CCDC148: variants seen among roughly 807,000 people sequenced by gnomAD.
CCDC148 encodes the protein coiled-coil domain-containing protein 148.
CCDC148 carries 89 observed loss-of-function variants against 85.7 expected under a neutral mutation model. The ratio of observed to expected loss-of-function variants is 1.04; its 90% confidence interval spans 0.87 to 1.24. The LOEUF is 1.24. Ranked by LOEUF, CCDC148 falls within the 50% of genes most tolerant of loss-of-function variation. The pLI, the probability that CCDC148 is intolerant of heterozygous loss-of-function variation, is 0.00. For missense variants in CCDC148, 692 were observed against 671.7 expected, an observed-to-expected ratio of 1.03 and a Z score of -0.33; for synonymous variants, 230 against 213.9, an observed-to-expected ratio of 1.08 and a Z score of -0.66.
intron 2 of CCDC148, among the ~76,000 whole-genome samples, chr2:158,352,963 A>G (rs978620052): frequency 6.7e-6 from 1 of 150,204 alleles, no homozygotes; most frequent in Non-Finnish European, 1.5e-5. Flanking sequence ...AGAATTTCAT[A>G]TCCAGCCAAA....
At chr2:158,209,057 A>T (rs1686412462) in intron 11 of CCDC148, among the ~76,000 whole-genome samples, 1 of 151,680 alleles carries the variant, frequency 6.6e-6, no homozygotes, top group Admixed American at 6.6e-5. Context: ...ATAAATAAAC[A>T]TAAATATATG....
rs1256294979 is a variant in CCDC148, at chr2:158,178,792, C to A, written c.1488+87G>T. The A allele has an allele frequency of 4.5e-6, 4 of 894,050 alleles. No individual in the cohort carries two copies. In the Admixed American group the frequency reaches 8.2e-5, roughly 18 times the overall value. The allele number at this position is 894,050 out of a possible 1,614,324, so 55.4% of individuals were successfully genotyped here. ...AATTTTATATAGCAGATGTCATGAA[C>A]TAAGCCCCAGTAAGAATGCTATTAA... On this transcript the variant is annotated intron_variant, in intron 12 of 13. Transcript: ENST00000283233.
intron 1 of CCDC148, among the ~76,000 whole-genome samples, chr2:158,407,258 A>C (rs1464619188): frequency 6.6e-6 from 1 of 152,156 alleles, no homozygotes; most frequent in Non-Finnish European, 1.5e-5. Flanking sequence ...ATATGCTGCC[A>C]GCTCTCTGAA....
chr2:158,340,730 A>G, intron 3 of CCDC148, 50 bp from the exon 4 acceptor site: 1 of 1,095,502 alleles, frequency 9.1e-7, no homozygotes, highest in South Asian at 1.5e-5. Context: ...ACATACATCT[A>G]GGTTTTTAAA....
intron 10 of CCDC148, among the ~76,000 whole-genome samples, 191 bp from the exon 11 acceptor site, chr2:158,220,904 C>A (rs75831518): frequency 0.081 from 12,320 of 152,178 alleles, 687 homozygotes; most frequent in Non-Finnish European, 0.13. Flanking sequence ...GGTAGATGCC[C>A]TGAGAAACTG....
chr2:158,278,329 C>T (rs906292751), intron 9 of CCDC148, among the ~76,000 whole-genome samples: 3 of 152,258 alleles, frequency 2.0e-5, no homozygotes, highest in South Asian at 2.1e-4. Context: ...GAGACATTGC[C>T]TCACTCGGGA....
chr2:158,293,361 A>T lies in CCDC148; in HGVS notation c.1110+16072T>A, dbSNP rs144247794. Among the ~76,000 whole-genome samples, 68 of 152,330 alleles carry T rather than the reference A, an allele frequency of 4.5e-4. 1 individual carries two copies. The highest frequency in any genetic ancestry group is 7.2e-4 in the Non-Finnish European group (49 of 68,032). Reference sequence around the variant, plus strand: ...TGCACACTAGGTTGCACCATATGATATTGCTGATATTATGCCATTCCTGAC... The same window carrying T: ...TGCACACTAGGTTGCACCATATGATTTTGCTGATATTATGCCATTCCTGAC... On this transcript the variant is annotated intron_variant, in intron 9 of 13. Transcript: ENST00000283233.
rs1573863470 is a variant in CCDC148, at chr2:158,456,263, A to ATT, written c.25+151_25+152insAA. ...AAAGGAAATCCTCTTTGAGTCTTTC[A>ATT]GAAGAGTTATGAGTTTGAGGACCCA... On this transcript the variant is annotated intron_variant, in intron 1 of 13. Coordinates refer to ENST00000283233, the MANE Select transcript of CCDC148 (RefSeq NM_138803.4). 3.8e-6 allele frequency: 3 copies of ATT among 781,374 alleles called. No homozygotes were observed. The East Asian group carries it at 8.0e-5, about 21-fold the overall frequency. The allele number at this position is 781,374 out of a possible 1,614,324, so 48.4% of individuals were successfully genotyped here.
At chr2:158,296,824 G>T (rs763985450) in intron 9 of CCDC148, among the ~76,000 whole-genome samples, 7 of 152,128 alleles carry the variant, frequency 4.6e-5, no homozygotes, top group Non-Finnish European at 1.0e-4. Context: ...TCAAGTCCTC[G>T]AACCCTGGGA....
At chr2:158,252,414 C>A (rs1247357421) in intron 9 of CCDC148, among the ~76,000 whole-genome samples, 3 of 151,626 alleles carry the variant, frequency 2.0e-5, no homozygotes, top group Admixed American at 2.0e-4. Context: ...TCTGTCCTGA[C>A]CTGCTTTCAA....
At chr2:158,363,087 G>A (rs894449471) in intron 1 of CCDC148, among the ~76,000 whole-genome samples, 4 of 152,112 alleles carry the variant, frequency 2.6e-5, no homozygotes, top group African/African-American at 9.7e-5. Flanking sequence ...TAAATTCCTG[G>A]ACACATACAC....
intron 13 of CCDC148, among the ~76,000 whole-genome samples, chr2:158,175,454 G>A (rs185862955): frequency 6.6e-6 from 1 of 151,996 alleles, no homozygotes; most frequent in Admixed American, 6.6e-5. Context: ...TTCTCCAGTC[G>A]GGGTTAGCCA....
chr2:158,203,099 T>C (rs7608270), intron 11 of CCDC148, among the ~76,000 whole-genome samples: 29,289 of 152,120 alleles, frequency 0.19, 3,014 homozygotes, highest in Middle Eastern at 0.26. Flanking sequence ...ATAATGAAAG[T>C]AATGGTAACT....
intron 10 of CCDC148, among the ~76,000 whole-genome samples, chr2:158,244,212 G>GT (rs1688472815): frequency 6.6e-6 from 1 of 151,950 alleles, no homozygotes; most frequent in Non-Finnish European, 1.5e-5. Flanking sequence ...GCATTTTTAC[G>GT]TATTTGTTAT....
intron 1 of CCDC148, among the ~76,000 whole-genome samples, chr2:158,420,896 C>A (rs1226747494): frequency 6.6e-6 from 1 of 151,274 alleles, no homozygotes; most frequent in Admixed American, 6.6e-5. Context: ...GGAAGATCTA[C>A]CAAGAAAATA....
chr2:158,356,795 G>A lies in CCDC148; in HGVS notation c.147+1654C>T, dbSNP rs1482122464. 1.9e-4 allele frequency among the ~76,000 whole-genome samples: 25 copies of A among 134,578 alleles called. 1 individual carries two copies. In the East Asian group the frequency reaches 3.4e-3, roughly 18 times the overall value. 88.3% of individuals were successfully genotyped at this position (134,578 alleles called of 152,430 possible). ...ACACATGCACACGTATGTTTATTGCGGCATTATTCACAATAGCAAAGACTT... is the reference window on the plus strand; with the variant it reads ...ACACATGCACACGTATGTTTATTGCAGCATTATTCACAATAGCAAAGACTT... On this transcript the variant is annotated intron_variant, in intron 2 of 13. Coordinates refer to ENST00000283233, the MANE Select transcript of CCDC148 (RefSeq NM_138803.4).
chr2:158,304,895 G>A (rs1574586386), intron 9 of CCDC148, among the ~76,000 whole-genome samples: 1 of 152,280 alleles, frequency 6.6e-6, no homozygotes, highest in East Asian at 1.9e-4. Flanking sequence ...CAGCTAAAAT[G>A]TTGTAATAAA....
chr2:158,328,405 G>A (rs1038992227), intron 7 of CCDC148, among the ~76,000 whole-genome samples: 1 of 152,078 alleles, frequency 6.6e-6, no homozygotes, highest in Non-Finnish European at 1.5e-5. Flanking sequence ...TCTTAATCCA[G>A]TCTATCATTG....
chr2:158,277,226 A>T (rs1333092548), intron 9 of CCDC148, among the ~76,000 whole-genome samples: 1 of 152,194 alleles, frequency 6.6e-6, no homozygotes, highest in Non-Finnish European at 1.5e-5. Flanking sequence ...GGATGATAAC[A>T]TTTGCATAAA....
Sources: gnomAD v4.1 joint callset for allele counts (sites outside exome capture counted in the v4.1 genomes callset) on GRCh38, gnomAD v4.1.1 for gene constraint, MANE v1.5 for transcripts, NCBI Gene and HGNC (gene_info 2026-07-23, HGNC 2026-07-21) for gene names.